Variants in FBXL2 observed in about 807,000 individuals in gnomAD.
FBXL2 encodes the protein F-box and leucine rich repeat protein 2, also known as F-box/LRR-repeat protein 2.
Under a neutral mutation model 69.2 loss-of-function variants are expected in FBXL2, and 38 were observed. The ratio of observed to expected loss-of-function variants is 0.55; its 90% CI spans 0.42 to 0.72. FBXL2 has a LOEUF of 0.72. FBXL2 is among the 30% of genes least tolerant of loss of function. The pLI, the probability that FBXL2 is intolerant of heterozygous loss-of-function variation, is 0.00. For missense variants in FBXL2, 354 were observed against 520.3 expected (o/e 0.68, Z 3.11); for synonymous variants, 192 against 201.3 (o/e 0.95, Z 0.39).
At chr3:33,416,381 T>C in the FBXL2 span, among the ~76,000 whole-genome samples, 2 of 152,330 alleles carry the variant, frequency 1.3e-5, no homozygotes, top group East Asian at 3.9e-4. Context: ...ATGAGTAGGG[T>C]GAACAGAGAT....
At chr3:33,308,371 C>A (rs1265519938) in intron 2 of FBXL2, among the ~76,000 whole-genome samples, 1 of 152,256 alleles carries the variant, frequency 6.6e-6, no homozygotes. Flanking sequence ...TATTTCTAGG[C>A]ATTTTCAGTA....
chr3:33,378,401 T>G (rs2042784944), intron 12 of FBXL2, among the ~76,000 whole-genome samples: 1 of 152,140 alleles, frequency 6.6e-6, no homozygotes. Context: ...AGTGATGGGG[T>G]GACTCCAAAG....
chr3:33,286,417 A>G (rs1361561350), intron 1 of FBXL2, among the ~76,000 whole-genome samples: 1 of 152,188 alleles, frequency 6.6e-6, no homozygotes, highest in East Asian at 1.9e-4. Context: ...TCAGATGGGC[A>G]CCTGGCTGTA....
intron 2 of FBXL2, among the ~76,000 whole-genome samples, chr3:33,313,844 C>T (rs905140591): frequency 6.6e-6 from 1 of 152,144 alleles, no homozygotes; most frequent in Non-Finnish European, 1.5e-5. Flanking sequence ...GAAGATATCT[C>T]AGGTGTTAAT....
At chr3:33,284,540 G>A (rs1176751340) in intron 1 of FBXL2, among the ~76,000 whole-genome samples, 2 of 152,194 alleles carry the variant, frequency 1.3e-5, no homozygotes, top group Non-Finnish European at 2.9e-5. Context: ...GGGGTGGAGA[G>A]TTCTGTAGAT....
Position 33,400,691 on chromosome 3 carries a change from A to G in FBXL2, n.1215-2543A>G, listed in dbSNP as rs1427142116. On this transcript the variant is annotated intron_variant and non_coding_transcript_variant, in intron 12 of 12. Transcript: ENST00000463736. Reference sequence around the variant, plus strand: ...GAAGAATGGGTGAGGGATAAGAGAGAGGATGAGAAGAACTGGATTAAAGGG... The same window carrying G: ...GAAGAATGGGTGAGGGATAAGAGAGGGGATGAGAAGAACTGGATTAAAGGG... Among the ~76,000 whole-genome samples the G allele has an allele frequency of 3.3e-5, 5 of 152,294 alleles. No individual in the cohort carries two copies. The East Asian group carries it at 9.7e-4, about 29-fold the overall frequency.
chr3:33,357,780 C>T lies in FBXL2; in HGVS notation c.66-1187C>T, dbSNP rs548163659. 3.9e-5 allele frequency among the ~76,000 whole-genome samples: 6 copies of T among 152,228 alleles called. No individual in the cohort carries two copies. The East Asian group carries it at 7.7e-4, about 20-fold the overall frequency. On this transcript the variant is annotated intron_variant, in intron 2 of 14. Coordinates refer to ENST00000484457, the MANE Select transcript of FBXL2 (RefSeq NM_012157.5). ...TCCTGACCTCGTGATCCGCCCACCT[C>T]GGCCTCCCAAAGTGCTGGGATTACA... is the stretch of plus-strand genomic sequence containing the variant.
chr3:33,365,721 CCAAACAAACAAA>C (rs368354903), intron 5 of FBXL2, among the ~76,000 whole-genome samples: 8 of 138,008 alleles, frequency 5.8e-5, no homozygotes, highest in African/African-American at 1.1e-4. Flanking sequence ...GACTCTTCGA[CCAAACAAACAAA>C]CAAACAAACA....
intron 1 of FBXL2, among the ~76,000 whole-genome samples, chr3:33,284,064 AT>A (rs1161029177): frequency 6.6e-6 from 1 of 151,818 alleles, no homozygotes; most frequent in Non-Finnish European, 1.5e-5. Flanking sequence ...TTCTGCTCTG[AT>A]CTTAGTTATT....
intron 2 of FBXL2, among the ~76,000 whole-genome samples, chr3:33,329,400 G>T (rs1430687616): frequency 1.3e-5 from 2 of 152,132 alleles, no homozygotes; most frequent in Non-Finnish European, 2.9e-5. Flanking sequence ...ATGTGATCCA[G>T]TAATTCCACC....
At chr3:33,329,443 T>A (rs2038979840) in intron 2 of FBXL2, among the ~76,000 whole-genome samples, 1 of 151,956 alleles carries the variant, frequency 6.6e-6, no homozygotes, top group African/African-American at 2.4e-5. Context: ...AGAAAATTAA[T>A]ATATCAAAGA....
chr3:33,408,898 GACTA>G, the FBXL2 span: 1 of 1,079,288 alleles, frequency 9.3e-7, no homozygotes, highest in East Asian at 2.4e-5. Context: ...ACAAATGCAT[GACTA>G]ACAGGATTCA....
chr3:33,409,389 A>G, the FBXL2 span: 1 of 1,613,890 alleles, frequency 6.2e-7, no homozygotes, highest in African/African-American at 1.3e-5. Context: ...GGCTGCAGAC[A>G]CACAGCTTTA....
downstream of FBXL2, among the ~76,000 whole-genome samples, chr3:33,407,425 A>G (rs2044456659): frequency 6.6e-6 from 1 of 152,160 alleles, no homozygotes; most frequent in Admixed American, 6.5e-5. Context: ...AAAGAAGTTT[A>G]CTAAGAACCA....
At chr3:33,376,324 ATC>A (rs1482605691) in intron 10 of FBXL2, among the ~76,000 whole-genome samples, 1 of 152,180 alleles carries the variant, frequency 6.6e-6, no homozygotes, top group Non-Finnish European at 1.5e-5. Flanking sequence ...CTTTTTAAAA[ATC>A]TCTACTTCCC....
At chr3:33,336,460 A>G (rs190298300) in intron 2 of FBXL2, among the ~76,000 whole-genome samples, 5 of 152,344 alleles carry the variant, frequency 3.3e-5, no homozygotes, top group African/African-American at 7.2e-5. Flanking sequence ...TCATAGATAT[A>G]AATGTGAAAG....
At chr3:33,346,422 AT>A (rs2040440834) in intron 2 of FBXL2, among the ~76,000 whole-genome samples, 1 of 151,792 alleles carries the variant, frequency 6.6e-6, no homozygotes, top group African/African-American at 2.4e-5. Context: ...AAAAAAAAAA[AT>A]TAGCTGGGGA....
intron 2 of FBXL2, among the ~76,000 whole-genome samples, chr3:33,322,064 ATTTTTTTTTT>A (rs34703817): frequency 1.6e-4 from 10 of 62,480 alleles, no homozygotes; most frequent in Non-Finnish European, 1.9e-4. Context: ...TGACTAGGTG[ATTTTTTTTTT>A]TTTTTTTTTT....
Position 33,377,221 on chromosome 3 carries a change from CATT to C in FBXL2, c.789-47_789-45del, listed in dbSNP as rs2042697379. On this transcript the variant is annotated intron_variant, in intron 10 of 14. Coordinates refer to ENST00000484457, the MANE Select transcript of FBXL2 (RefSeq NM_012157.5). ...GTATGCATCATAAAATATGTGTTTC[CATT>C]ATTAACTAGTTGGTACCGTTTTCTC... 3.3e-6 allele frequency: 5 copies of C among 1,516,342 alleles called. No homozygotes were observed. The South Asian group carries it at 4.5e-5, about 14-fold the overall frequency. 93.9% of individuals were successfully genotyped at this position (1,516,342 alleles called of 1,614,324 possible). A position where few individuals can be genotyped will look rare whatever the true frequency, so the allele number is the denominator to read the frequency against.
Sources: gnomAD v4.1 joint callset for allele counts (sites outside exome capture counted in the v4.1 genomes callset) on GRCh38, gnomAD v4.1.1 for gene constraint, MANE v1.5 for transcripts, NCBI Gene and HGNC (gene_info 2026-07-23, HGNC 2026-07-21) for gene names.